LRBA: variants seen among roughly 807,000 people sequenced by gnomAD.
LRBA encodes the protein LPS responsive beige-like anchor protein, also known as lipopolysaccharide-responsive and beige-like anchor protein.
Under a neutral mutation model 330.0 loss-of-function variants are expected in LRBA, and 176 were observed. The observed-to-expected ratio is 0.53, with a 90% confidence interval of 0.47 to 0.60. The LOEUF is 0.60. Among genes scored for constraint, LRBA ranks in the 20% least tolerant of loss-of-function variants. The probability of loss-of-function intolerance (pLI) is 0.00; values close to 1 mark genes in which losing one functional copy is unlikely to be tolerated. For synonymous variants in LRBA, 1,230 were observed against 1,193.0 expected (o/e 1.03, Z -0.64); for missense variants, 3,259 against 3,444.8 (o/e 0.95, Z 1.35).
intron 44 of LRBA, among the ~76,000 whole-genome samples, chr4:150,440,922 T>C (rs1344238646): frequency 1.3e-5 from 2 of 152,112 alleles, no homozygotes; most frequent in South Asian, 2.1e-4. Context: ...GGTAGAATAA[T>C]AAGTATTCTG....
intron 34 of LRBA, among the ~76,000 whole-genome samples, chr4:150,775,161 G>T (rs1451062371): frequency 3.3e-5 from 5 of 152,030 alleles, no homozygotes; most frequent in Non-Finnish European, 5.9e-5. Flanking sequence ...CCTACCATAA[G>T]GTCTGATCTA....
At chr4:150,832,042 C>T (rs1747281090) in intron 28 of LRBA, 66 bp from the exon 29 acceptor site, 1 of 962,638 alleles carries the variant, frequency 1.0e-6, no homozygotes, top group East Asian at 2.8e-5. Flanking sequence ...TTTTACATCA[C>T]AATGTTTAAA....
chr4:150,599,680 T>C (rs1008355911), intron 37 of LRBA, among the ~76,000 whole-genome samples: 27 of 152,238 alleles, frequency 1.8e-4, no homozygotes, highest in African/African-American at 6.5e-4. Context: ...TACATGGTTA[T>C]GTATGTGATA....
At chr4:150,532,586 A>G (rs951153782) in intron 40 of LRBA, among the ~76,000 whole-genome samples, 1 of 152,130 alleles carries the variant, frequency 6.6e-6, no homozygotes, top group African/African-American at 2.4e-5. Context: ...ATGAATTGGT[A>G]TATTATTACA....
intron 36 of LRBA, among the ~76,000 whole-genome samples, chr4:150,707,513 T>C (rs1283095872): frequency 6.6e-6 from 1 of 151,496 alleles, no homozygotes; most frequent in African/African-American, 2.4e-5. Flanking sequence ...CTGTCATCAG[T>C]GTCAAAAACT....
intron 28 of LRBA, among the ~76,000 whole-genome samples, chr4:150,835,213 T>C (rs1339190321): frequency 1.3e-5 from 2 of 152,210 alleles, no homozygotes; most frequent in Non-Finnish European, 2.9e-5. Flanking sequence ...TGTAGCCTTA[T>C]AGTATAGCTT....
At chr4:150,838,091 G>A (rs369529437) in intron 28 of LRBA, among the ~76,000 whole-genome samples, 6 of 151,926 alleles carry the variant, frequency 3.9e-5, no homozygotes, top group African/African-American at 7.2e-5. Context: ...TTGAAAATTC[G>A]TTTCTTTAAG....
chr4:150,811,753 C>A lies in LRBA; in HGVS notation c.5306-3355G>T, dbSNP rs558488034. On this transcript the variant is annotated intron_variant, in intron 31 of 56. Coordinates refer to ENST00000651943, the MANE Select transcript of LRBA (RefSeq NM_001364905.1). ...CTCCTGGCTTCAGGTGATTCTTCCA[C>A]CCCAGCCTCTCAAAGTGCTGGGACT... Among the ~76,000 whole-genome samples the A allele has an allele frequency of 6.6e-5, 10 of 152,246 alleles. No individual in the cohort carries two copies. In the Middle Eastern group the frequency reaches 0.01, roughly 155 times the overall value.
chr4:150,893,806 G>GCC (rs1427127520), intron 16 of LRBA, among the ~76,000 whole-genome samples: 1 of 152,042 alleles, frequency 6.6e-6, no homozygotes, highest in African/African-American at 2.4e-5. Flanking sequence ...TTCCCAAGTA[G>GCC]CTGGGACTAC....
intron 37 of LRBA, among the ~76,000 whole-genome samples, chr4:150,622,375 C>G (rs1394430478): frequency 2.0e-5 from 3 of 152,114 alleles, no homozygotes; most frequent in African/African-American, 7.2e-5. Flanking sequence ...CCCATCTCTA[C>G]AAAAGTTATA....
chr4:150,402,102 A>G (rs1212267061), intron 47 of LRBA, among the ~76,000 whole-genome samples: 1 of 151,562 alleles, frequency 6.6e-6, no homozygotes, highest in East Asian at 1.9e-4. Context: ...CATCCTGACT[A>G]ACACGGTGAA....
At chr4:150,864,292 A>ATTATATC (rs1222020899) in intron 22 of LRBA, among the ~76,000 whole-genome samples, 1 of 152,180 alleles carries the variant, frequency 6.6e-6, no homozygotes, top group African/African-American at 2.4e-5. Context: ...ATCTATGTGG[A>ATTATATC]TTATATCTAC....
intron 53 of LRBA, among the ~76,000 whole-genome samples, chr4:150,300,543 C>T (rs1035354955): frequency 6.6e-6 from 1 of 151,978 alleles, no homozygotes; most frequent in South Asian, 2.1e-4. Flanking sequence ...CACCTTAACT[C>T]AGTTCTGTTG....
At chr4:150,371,312 C>T (rs911332800) in intron 47 of LRBA, among the ~76,000 whole-genome samples, 1 of 150,824 alleles carries the variant, frequency 6.6e-6, no homozygotes, top group African/African-American at 2.4e-5. Flanking sequence ...CCTGACTCAG[C>T]CTCCTGAGTA....
At chr4:150,661,674 A>G (rs570755796) in intron 37 of LRBA, among the ~76,000 whole-genome samples, 34 of 152,160 alleles carry the variant, frequency 2.2e-4, no homozygotes, top group Admixed American at 6.5e-4. Flanking sequence ...GCAGTGGCAC[A>G]ATCTCAGCTC....
At chr4:150,425,590 T>C (rs1203152412) in intron 46 of LRBA, among the ~76,000 whole-genome samples, 1 of 152,208 alleles carries the variant, frequency 6.6e-6, no homozygotes, top group African/African-American at 2.4e-5. Flanking sequence ...TTTAGTTTTC[T>C]TTATTAAGGT....
intron 2 of LRBA, chr4:151,013,659 G>C (rs1169615987): frequency 6.6e-6 from 1 of 152,186 alleles, no homozygotes; most frequent in Non-Finnish European, 1.5e-5. Context: ...TTAGGAGTTT[G>C]AGAACAGCCT....
intron 2 of LRBA, among the ~76,000 whole-genome samples, chr4:151,006,922 C>A (rs187963572): frequency 2.6e-5 from 4 of 152,244 alleles, no homozygotes; most frequent in Non-Finnish European, 4.4e-5. Flanking sequence ...AAAATCCCAG[C>A]TTGCTTTTTT....
At chr4:150,906,073 T>C (rs942030773) in intron 12 of LRBA, 83 bp from the exon 13 acceptor site, 3 of 1,222,200 alleles carry the variant, frequency 2.5e-6, no homozygotes, top group Non-Finnish European at 3.5e-6. Flanking sequence ...GGAAAAAAAC[T>C]GGCCCACAAA....
Sources: allele counts gnomAD v4.1 joint callset (sites outside exome capture counted in the v4.1 genomes callset), GRCh38; gene constraint gnomAD v4.1.1; transcripts MANE v1.5; gene names NCBI Gene and HGNC (gene_info 2026-07-23, HGNC 2026-07-21).